DPP10: variants seen among roughly 807,000 people sequenced by gnomAD.
DPP10 encodes dipeptidyl peptidase like 10.
Under a neutral mutation model 120.9 loss-of-function variants are expected in DPP10, and 33 were observed. The observed-to-expected ratio is 0.27, with a 90% CI of 0.21 to 0.37. The LOEUF (loss-of-function observed/expected upper bound fraction) is 0.37. Among genes scored for constraint, DPP10 ranks in the 10% least tolerant of loss-of-function variants. The pLI is 1.00. For synonymous variants in DPP10, 337 were observed against 326.1 expected, an observed-to-expected ratio of 1.03 and a Z score of -0.36; for missense variants, 816 against 942.8, an observed-to-expected ratio of 0.87 and a Z score of 1.76.
intron 1 of DPP10, among the ~76,000 whole-genome samples, chr2:114,805,622 C>CA (rs1479511493): frequency 6.6e-6 from 1 of 151,974 alleles, no homozygotes; most frequent in African/African-American, 2.4e-5. Flanking sequence ...GGCTTAAAAC[C>CA]AAAAAAACTT....
intron 1 of DPP10, among the ~76,000 whole-genome samples, chr2:114,586,831 A>G (rs1300960927): frequency 2.0e-5 from 3 of 152,176 alleles, no homozygotes; most frequent in African/African-American, 7.2e-5. Context: ...AGAGCTTGGC[A>G]TCTGCCCCAT....
At chr2:115,011,148 C>G (rs115398166) in intron 1 of DPP10, among the ~76,000 whole-genome samples, 1 of 152,132 alleles carries the variant, frequency 6.6e-6, no homozygotes, top group Non-Finnish European at 1.5e-5. Flanking sequence ...ACATACACTG[C>G]ATAATTTTAA....
chr2:115,565,142 T>C (rs1268001596), intron 5 of DPP10, among the ~76,000 whole-genome samples: 1 of 152,204 alleles, frequency 6.6e-6, no homozygotes, highest in Admixed American at 6.5e-5. Context: ...TGCGTAAGTA[T>C]GTGTGTATAT....
chr2:114,676,000 A>G (rs1486226388), intron 1 of DPP10, among the ~76,000 whole-genome samples: 1 of 152,050 alleles, frequency 6.6e-6, no homozygotes, highest in Non-Finnish European at 1.5e-5. Context: ...GGGTTTCACC[A>G]TGTTGGTCAG....
At chr2:115,657,724 T>C (rs951670433) in intron 5 of DPP10, among the ~76,000 whole-genome samples, 1 of 151,972 alleles carries the variant, frequency 6.6e-6, no homozygotes, top group Non-Finnish European at 1.5e-5. Flanking sequence ...CACGCAATTT[T>C]AAAAATAAAA....
intron 1 of DPP10, among the ~76,000 whole-genome samples, chr2:114,914,610 C>T (rs999527748): frequency 1.3e-5 from 2 of 152,146 alleles, no homozygotes; most frequent in African/African-American, 4.8e-5. Context: ...AAGAAGTATA[C>T]AGCCCACTAG....
At chr2:115,798,962 G>T (rs546457000) in intron 19 of DPP10, among the ~76,000 whole-genome samples, 6 of 152,086 alleles carry the variant, frequency 3.9e-5, no homozygotes, top group African/African-American at 1.4e-4. Context: ...TAGCCTGTAT[G>T]ATTAGAGCTC....
chr2:115,365,183 G>C (rs1216644717), intron 3 of DPP10, among the ~76,000 whole-genome samples: 1 of 152,000 alleles, frequency 6.6e-6, no homozygotes, highest in Non-Finnish European at 1.5e-5. Flanking sequence ...CCAAATTCCT[G>C]GAACTAGACA....
At chr2:115,459,912 T>C (rs1479696846) in intron 3 of DPP10, among the ~76,000 whole-genome samples, 1 of 138,534 alleles carries the variant, frequency 7.2e-6, no homozygotes, top group African/African-American at 2.5e-5. Context: ...GCTTACATAG[T>C]AAAACATATA....
At chr2:115,306,293 A>C (rs2061356920) in intron 1 of DPP10, among the ~76,000 whole-genome samples, 1 of 152,030 alleles carries the variant, frequency 6.6e-6, no homozygotes, top group South Asian at 2.1e-4. Context: ...AATGACTGAC[A>C]GTGTCTATAA....
chr2:114,959,331 T>C (rs1698443181), intron 1 of DPP10, among the ~76,000 whole-genome samples: 1 of 152,190 alleles, frequency 6.6e-6, no homozygotes, highest in Admixed American at 6.5e-5. Flanking sequence ...TCTTACAGTA[T>C]GTGGCCTTTT....
At chr2:114,783,745 G>A (rs995949066) in intron 1 of DPP10, among the ~76,000 whole-genome samples, 2 of 151,918 alleles carry the variant, frequency 1.3e-5, no homozygotes, top group East Asian at 1.9e-4. Context: ...GAGGTGGGAG[G>A]ATTGCTTGAG....
At position 115,429,112 on chromosome 2, in the gene DPP10, C is replaced by T. The variant is rs185657285; in HGVS notation, c.272-70398C>T. Among the ~76,000 whole-genome samples the T allele has an allele frequency of 4.6e-3, 696 of 151,788 alleles. 2 individuals carry two copies. The highest frequency in any genetic ancestry group is 0.015 in the African/African-American group (638 of 41,392). ...AGAAATAGAAATGATAAACTTTAAC[C>T]GTAATTATTTTAGTGAATAAAATTT... is the stretch of plus-strand genomic sequence containing the variant. On this transcript the variant is annotated intron_variant, in intron 3 of 25. Coordinates refer to ENST00000410059, the MANE Select transcript of DPP10 (RefSeq NM_020868.6).
intron 1 of DPP10, among the ~76,000 whole-genome samples, chr2:114,531,955 A>G (rs1269337499): frequency 3.3e-5 from 5 of 151,966 alleles, no homozygotes; most frequent in Non-Finnish European, 4.4e-5. Flanking sequence ...TGCCCTCCCC[A>G]TTGTGGGTAG....
intron 3 of DPP10, among the ~76,000 whole-genome samples, chr2:115,478,186 C>G (rs2075210340): frequency 6.6e-6 from 1 of 152,100 alleles, no homozygotes; most frequent in South Asian, 2.1e-4. Context: ...ACAGCCAAAC[C>G]ACATCTATTG....
At chr2:115,459,448 C>A (rs979947162) in intron 3 of DPP10, among the ~76,000 whole-genome samples, 1 of 152,204 alleles carries the variant, frequency 6.6e-6, no homozygotes. Context: ...TGAGCTACCA[C>A]GCCCGGCTGT....
chr2:114,854,713 G>A (rs569818240), intron 1 of DPP10, among the ~76,000 whole-genome samples: 11 of 152,306 alleles, frequency 7.2e-5, no homozygotes, highest in African/African-American at 2.4e-4. Flanking sequence ...TATTGCCATT[G>A]AACAAATAGT....
chr2:114,643,659 G>T (rs544004326), intron 1 of DPP10, among the ~76,000 whole-genome samples: 1 of 151,764 alleles, frequency 6.6e-6, no homozygotes, highest in Non-Finnish European at 1.5e-5. Context: ...TAGTTTAGAA[G>T]GGGTTGCTGT....
intron 1 of DPP10, among the ~76,000 whole-genome samples, chr2:115,100,860 AG>A (rs2048660746): frequency 1.3e-5 from 2 of 152,194 alleles, no homozygotes; most frequent in Admixed American, 1.3e-4. Context: ...CTGAACAATT[AG>A]TCAATTCACC....
Sources: allele counts gnomAD v4.1 joint callset (sites outside exome capture counted in the v4.1 genomes callset), GRCh38; gene constraint gnomAD v4.1.1; transcripts MANE v1.5; gene names NCBI Gene and HGNC (gene_info 2026-07-23, HGNC 2026-07-21).